SEMA6D: variants seen among roughly 807,000 people sequenced by gnomAD.
The protein encoded by SEMA6D is semaphorin-6D.
Under a neutral mutation model 106.6 loss-of-function variants are expected in SEMA6D, and 35 were observed. The observed-to-expected ratio is 0.33, with a 90% CI of 0.25 to 0.44. The LOEUF is 0.44. Ranked by LOEUF, SEMA6D falls within the 20% of genes least tolerant of loss-of-function variation. SEMA6D has a pLI of 1.00. For missense variants in SEMA6D, 1,185 were observed against 1,345.9 expected, an observed-to-expected ratio of 0.88 and a Z score of 1.87; for synonymous variants, 499 against 487.7, an observed-to-expected ratio of 1.02 and a Z score of -0.31.
chr15:47,743,839 GC>G (rs1402733573), intron 1 of SEMA6D, among the ~76,000 whole-genome samples: 1 of 152,090 alleles, frequency 6.6e-6, no homozygotes, highest in African/African-American at 2.4e-5. Flanking sequence ...GTCCCTCTTG[GC>G]CCCATAGCTG....
At chr15:47,186,628 A>T (rs892499995) in intron 1 of SEMA6D, among the ~76,000 whole-genome samples, 1 of 152,010 alleles carries the variant, frequency 6.6e-6, no homozygotes, top group African/African-American at 2.4e-5. Context: ...TATCTTTTCA[A>T]TTGTTCTTTT....
chr15:47,436,242 T>C (rs1251739498), intron 2 of SEMA6D, among the ~76,000 whole-genome samples: 1 of 151,866 alleles, frequency 6.6e-6, no homozygotes, highest in Non-Finnish European at 1.5e-5. Flanking sequence ...ATACAAAAAT[T>C]AGCTGGGTGT....
chr15:47,350,813 G>A (rs747416777), intron 1 of SEMA6D, among the ~76,000 whole-genome samples: 1 of 152,174 alleles, frequency 6.6e-6, no homozygotes, highest in Non-Finnish European at 1.5e-5. Flanking sequence ...AAGGAAAACA[G>A]TATTATGAGT....
intron 1 of SEMA6D, among the ~76,000 whole-genome samples, chr15:47,266,667 C>T (rs958271262): frequency 1.3e-5 from 2 of 152,036 alleles, no homozygotes; most frequent in African/African-American, 4.8e-5. Flanking sequence ...AGGGCTTAGC[C>T]TGAGCAACAA....
At chr15:47,496,609 ACAG>A (rs1431387853) in intron 3 of SEMA6D, among the ~76,000 whole-genome samples, 2 of 152,172 alleles carry the variant, frequency 1.3e-5, no homozygotes, top group Admixed American at 6.6e-5. Context: ...ACCTCTGATA[ACAG>A]CGTCACCTAA....
At chr15:47,611,403 A>G (rs2143864995) in intron 4 of SEMA6D, among the ~76,000 whole-genome samples, 1 of 152,344 alleles carries the variant, frequency 6.6e-6, no homozygotes, top group South Asian at 2.1e-4. Context: ...ATGGGAAAAT[A>G]GTCACAATTT....
chr15:47,188,913 A>G (rs1042439689), intron 1 of SEMA6D, among the ~76,000 whole-genome samples: 1 of 152,204 alleles, frequency 6.6e-6, no homozygotes, highest in Non-Finnish European at 1.5e-5. Flanking sequence ...AATTAGCTCA[A>G]AGTAAGTCAA....
intron 2 of SEMA6D, among the ~76,000 whole-genome samples, chr15:47,418,816 G>C (rs1345536790): frequency 6.6e-6 from 1 of 152,110 alleles, no homozygotes; most frequent in Non-Finnish European, 1.5e-5. Context: ...CAAAGAACTT[G>C]TCTGTAAGAA....
intron 3 of SEMA6D, among the ~76,000 whole-genome samples, chr15:47,502,464 G>T (rs1429351540): frequency 6.6e-6 from 1 of 152,154 alleles, no homozygotes; most frequent in Non-Finnish European, 1.5e-5. Context: ...GGGCTTCCTG[G>T]GATCAGGCCA....
intron 1 of SEMA6D, among the ~76,000 whole-genome samples, chr15:47,314,146 A>G (rs895907142): frequency 2.6e-5 from 4 of 152,062 alleles, no homozygotes; most frequent in African/African-American, 9.7e-5. Flanking sequence ...ATAGGTGTGT[A>G]GTGTTATATA....
intron 2 of SEMA6D, among the ~76,000 whole-genome samples, chr15:47,422,294 A>G (rs1468115144): frequency 6.6e-6 from 1 of 151,254 alleles, no homozygotes; most frequent in Non-Finnish European, 1.5e-5. Context: ...ATTAAAAACC[A>G]AACCTAGTAA....
At chr15:47,262,853 T>C (rs1056122530) in intron 1 of SEMA6D, among the ~76,000 whole-genome samples, 4 of 151,700 alleles carry the variant, frequency 2.6e-5, no homozygotes, top group African/African-American at 9.7e-5. Flanking sequence ...AACAGACACA[T>C]AGACAAATGG....
intron 4 of SEMA6D, among the ~76,000 whole-genome samples, chr15:47,666,666 A>C (rs939668487): frequency 3.3e-5 from 5 of 152,194 alleles, no homozygotes; most frequent in African/African-American, 7.2e-5. Context: ...AGTTATCAAA[A>C]TACAGCTAAA....
intron 1 of SEMA6D, among the ~76,000 whole-genome samples, chr15:47,728,544 A>G (rs1393287429): frequency 6.6e-6 from 1 of 152,208 alleles, no homozygotes; most frequent in African/African-American, 2.4e-5. Context: ...CTCATTTTAT[A>G]GATGAGGACA....
chr15:47,623,055 C>T (rs752329772), intron 4 of SEMA6D, among the ~76,000 whole-genome samples: 30 of 152,192 alleles, frequency 2.0e-4, no homozygotes, highest in Non-Finnish European at 4.0e-4. Flanking sequence ...AACTGCCCTT[C>T]TCTTCCCCCC....
chr15:47,765,629 A>T, intron 13 of SEMA6D: 1 of 541,998 alleles, frequency 1.8e-6, no homozygotes, highest in Non-Finnish European at 2.8e-6. Context: ...CGCAAATGCA[A>T]TTCACTTCTA....
At chr15:47,733,367 C>G (rs1313853744) in intron 1 of SEMA6D, among the ~76,000 whole-genome samples, 2 of 152,170 alleles carry the variant, frequency 1.3e-5, no homozygotes, top group Non-Finnish European at 2.9e-5. Context: ...TTCTTTACCT[C>G]TCTTTGTACA....
upstream of SEMA6D, among the ~76,000 whole-genome samples, chr15:47,714,878 T>A (rs1221538033): frequency 1.3e-5 from 2 of 152,196 alleles, no homozygotes; most frequent in African/African-American, 2.4e-5. Context: ...TTATTGGGCG[T>A]CCATTAAATG....
At chr15:47,295,641 A>C (rs1822854182) in intron 1 of SEMA6D, among the ~76,000 whole-genome samples, 1 of 152,266 alleles carries the variant, frequency 6.6e-6, no homozygotes, top group Non-Finnish European at 1.5e-5. Flanking sequence ...ATTGTATTTA[A>C]AAAGAAAGAT....
Sources: gnomAD v4.1 joint callset for allele counts (sites outside exome capture counted in the v4.1 genomes callset) on GRCh38, gnomAD v4.1.1 for gene constraint, MANE v1.5 for transcripts, NCBI Gene and HGNC (gene_info 2026-07-23, HGNC 2026-07-21) for gene names.